The following DPYD variants were observed in gnomAD, a reference collection of about 807,000 sequenced individuals.
DPYD encodes dihydropyrimidine dehydrogenase, also known as dihydropyrimidine dehydrogenase [NADP(+)].
DPYD carries 109 observed loss-of-function variants against 116.2 expected under a neutral mutation model. The ratio of observed to expected loss-of-function variants is 0.94; its 90% CI spans 0.80 to 1.10. The LOEUF (loss-of-function observed/expected upper bound fraction) is 1.10. Among genes scored for constraint, DPYD ranks in the 50% least tolerant of loss-of-function variants. The pLI is 0.00. For synonymous variants in DPYD, 440 were observed against 432.0 expected (o/e 1.02, Z -0.23); for missense variants, 1,302 against 1,254.5 (o/e 1.04, Z -0.57).
chr1:97,634,826 A>G (rs1056649893), intron 8 of DPYD, among the ~76,000 whole-genome samples: 1 of 151,952 alleles, frequency 6.6e-6, no homozygotes, highest in Admixed American at 6.6e-5. Context: ...CTGTCTGGAT[A>G]TAGTAAAACT....
rs561552512 is a variant in DPYD, at chr1:97,754,964, G to A, written c.234-14485C>T. Among the ~76,000 whole-genome samples the A allele has an allele frequency of 8.5e-5, 13 of 152,300 alleles. No homozygotes were observed. The East Asian group carries it at 2.5e-3, about 29-fold the overall frequency. ...TTTGTTTCTTCGGGACGAATAAGAGGGAGAGAGAGTCTTGTGGACAGGCCA... is the reference window on the plus strand; with the variant it reads ...TTTGTTTCTTCGGGACGAATAAGAGAGAGAGAGAGTCTTGTGGACAGGCCA... On this transcript the variant is annotated intron_variant, in intron 3 of 22. Transcript: ENST00000370192.
intron 20 of DPYD, among the ~76,000 whole-genome samples, chr1:97,134,018 T>A (rs1490353422): frequency 0.37 from 3,528 of 9,490 alleles, 488 homozygotes; most frequent in East Asian, 0.56. Context: ...AAAAAAAATA[T>A]ATATATATAT....
chr1:97,536,668 G>T (rs981031159), intron 12 of DPYD, among the ~76,000 whole-genome samples: 2 of 152,190 alleles, frequency 1.3e-5, no homozygotes, highest in African/African-American at 4.8e-5. Context: ...CTGGCTAGGA[G>T]ATTTGCAACT....
At chr1:97,312,968 G>C (rs1254524230) in intron 16 of DPYD, among the ~76,000 whole-genome samples, 1 of 151,722 alleles carries the variant, frequency 6.6e-6, no homozygotes, top group Non-Finnish European at 1.5e-5. Context: ...AGGTAATGTG[G>C]GTTCTACCCT....
At chr1:97,735,398 C>G (rs1663868456) in intron 4 of DPYD, among the ~76,000 whole-genome samples, 1 of 151,666 alleles carries the variant, frequency 6.6e-6, no homozygotes, top group Non-Finnish European at 1.5e-5. Context: ...AAAAGGCGGC[C>G]AGGTGCGGTG....
chr1:97,880,225 A>T (rs1672136209), intron 2 of DPYD, among the ~76,000 whole-genome samples: 1 of 151,796 alleles, frequency 6.6e-6, no homozygotes, highest in Non-Finnish European at 1.5e-5. Context: ...TAGGGATGAG[A>T]GGAGAAATAA....
intron 20 of DPYD, among the ~76,000 whole-genome samples, chr1:97,181,352 T>C (rs1456972580): frequency 6.6e-6 from 1 of 152,140 alleles, no homozygotes; most frequent in Non-Finnish European, 1.5e-5. Flanking sequence ...CCTCCCCTAA[T>C]GGTTCACGTT....
intron 11 of DPYD, among the ~76,000 whole-genome samples, chr1:97,565,503 T>C (rs1411693907): frequency 6.6e-6 from 1 of 152,240 alleles, no homozygotes. Context: ...TCCCTACCCT[T>C]ATGTAACCAC....
intron 3 of DPYD, among the ~76,000 whole-genome samples, chr1:97,814,058 T>C (rs1668461692): frequency 6.6e-6 from 1 of 152,118 alleles, no homozygotes. Context: ...TTACTTTACC[T>C]CTTTCATTCA....
chr1:97,080,918 A>G (rs959641672), intron 22 of DPYD, among the ~76,000 whole-genome samples: 3 of 152,216 alleles, frequency 2.0e-5, no homozygotes, highest in East Asian at 1.9e-4. Flanking sequence ...GGTGGGAGCC[A>G]TAAGTTCTAA....
chr1:97,831,082 C>T (rs945109360), intron 2 of DPYD, among the ~76,000 whole-genome samples: 2 of 152,166 alleles, frequency 1.3e-5, no homozygotes, highest in African/African-American at 2.4e-5. Flanking sequence ...AGCATTTAAA[C>T]AGTTAACTAT....
intron 18 of DPYD, among the ~76,000 whole-genome samples, chr1:97,284,503 T>C (rs750592596): frequency 2.6e-5 from 4 of 152,140 alleles, no homozygotes; most frequent in African/African-American, 4.8e-5. Context: ...ATTCCTGGAA[T>C]ATTCTTCTTT....
chr1:97,640,591 G>T (rs915459629), intron 8 of DPYD, among the ~76,000 whole-genome samples: 2 of 152,166 alleles, frequency 1.3e-5, no homozygotes, highest in African/African-American at 4.8e-5. Flanking sequence ...TTATAGGTGT[G>T]AGCCACTGTG....
At chr1:97,759,364 T>C (rs1044890709) in intron 3 of DPYD, among the ~76,000 whole-genome samples, 3 of 152,180 alleles carry the variant, frequency 2.0e-5, no homozygotes, top group African/African-American at 4.8e-5. Context: ...ACCTTGGCTT[T>C]TGAGTCTTTA....
At chr1:97,482,211 T>C (rs564622178) in intron 13 of DPYD, among the ~76,000 whole-genome samples, 19 of 152,204 alleles carry the variant, frequency 1.2e-4, no homozygotes, top group Non-Finnish European at 1.0e-4. Flanking sequence ...TACAGTTATT[T>C]AATATGTGGA....
intron 13 of DPYD, among the ~76,000 whole-genome samples, chr1:97,473,363 C>G (rs1449253354): frequency 6.6e-6 from 1 of 152,082 alleles, no homozygotes; most frequent in Non-Finnish European, 1.5e-5. Flanking sequence ...ACCACATTTT[C>G]TTTTTTTATT....
At chr1:97,678,320 C>G (rs1053285800) in intron 8 of DPYD, among the ~76,000 whole-genome samples, 1 of 152,186 alleles carries the variant, frequency 6.6e-6, no homozygotes, top group Admixed American at 6.5e-5. Flanking sequence ...CCACTATTCA[C>G]CTCCTGCTGT....
chr1:97,130,611 A>T (rs1049788207), intron 20 of DPYD, among the ~76,000 whole-genome samples: 5 of 150,774 alleles, frequency 3.3e-5, no homozygotes, highest in African/African-American at 1.2e-4. Context: ...TATCTTTTTC[A>T]CTCTAATTCC....
chr1:97,198,323 T>G (rs1041174037), intron 19 of DPYD, among the ~76,000 whole-genome samples: 9 of 152,208 alleles, frequency 5.9e-5, no homozygotes, highest in African/African-American at 2.2e-4. Context: ...TCTTCTTAAT[T>G]TTTACTATTA....
Sources: gnomAD v4.1 joint callset for allele counts (sites outside exome capture counted in the v4.1 genomes callset) on GRCh38, gnomAD v4.1.1 for gene constraint, MANE v1.5 for transcripts, NCBI Gene and HGNC (gene_info 2026-07-23, HGNC 2026-07-21) for gene names.